TECPR2: variants seen among roughly 807,000 people sequenced by gnomAD.
TECPR2 encodes tectonin beta-propeller repeat-containing protein 2.
TECPR2 carries 65 observed loss-of-function variants against 138.1 expected under a neutral mutation model. That is an observed-to-expected ratio of 0.47 (90% CI 0.39 to 0.58). The LOEUF (loss-of-function observed/expected upper bound fraction) is 0.58, where lower values mean the gene tolerates loss of function less well. Ranked by LOEUF, TECPR2 falls within the 20% of genes least tolerant of loss-of-function variation. TECPR2 has a pLI of 0.00. For synonymous variants in TECPR2, 746 were observed against 749.8 expected (o/e 0.99, Z 0.08); for missense variants, 1,553 against 1,824.5 (o/e 0.85, Z 2.71).
At chr14:102,484,743 C>A (rs1890983070) in intron 17 of TECPR2, among the ~76,000 whole-genome samples, 1 of 152,184 alleles carries the variant, frequency 6.6e-6, no homozygotes, top group Non-Finnish European at 1.5e-5. Context: ...ACTGCAGCCT[C>A]CCCCTCCTGT....
intron 16 of TECPR2, among the ~76,000 whole-genome samples, chr14:102,458,727 A>G (rs1890333702): frequency 6.7e-6 from 1 of 149,942 alleles, no homozygotes; most frequent in African/African-American, 2.5e-5. Flanking sequence ...CTTTCCTTCA[A>G]CTCTTCTTCC....
chr14:102,496,020 T>C (rs2139801884), intron 17 of TECPR2, among the ~76,000 whole-genome samples: 1 of 152,308 alleles, frequency 6.6e-6, no homozygotes, highest in Admixed American at 6.5e-5. Context: ...GGGCATCCAG[T>C]GTGATTGTAT....
intron 7 of TECPR2, among the ~76,000 whole-genome samples, chr14:102,429,539 C>A (rs1476185887): frequency 6.6e-6 from 1 of 152,206 alleles, no homozygotes; most frequent in Non-Finnish European, 1.5e-5. Flanking sequence ...TTGCGGACAT[C>A]CACATGCTTT....
chr14:102,490,226 CG>C (rs1242458353), intron 17 of TECPR2, among the ~76,000 whole-genome samples: 5 of 152,276 alleles, frequency 3.3e-5, no homozygotes, highest in African/African-American at 1.2e-4. Flanking sequence ...ACTCTCAGAC[CG>C]TAAGAAATCG....
At chr14:102,370,367 G>A (rs1385067943) in intron 1 of TECPR2, among the ~76,000 whole-genome samples, 2 of 152,060 alleles carry the variant, frequency 1.3e-5, no homozygotes, top group Non-Finnish European at 2.9e-5. Context: ...CACCACACCC[G>A]GCCGGTAATA....
At chr14:102,453,612 G>A (rs758669715) in intron 16 of TECPR2, among the ~76,000 whole-genome samples, 1 of 152,064 alleles carries the variant, frequency 6.6e-6, no homozygotes, top group Non-Finnish European at 1.5e-5. Context: ...GGTGGATCAG[G>A]CAGCATAGGT....
At chr14:102,497,758 G>A (rs1222196700) in intron 19 of TECPR2, 39 bp downstream of exon 19, 3 of 1,555,710 alleles carry the variant, frequency 1.9e-6, no homozygotes, top group East Asian at 2.3e-5. Context: ...GCCCCTTGGG[G>A]TTCCCAGGGC....
At chr14:102,414,543 C>A in intron 4 of TECPR2, 93 bp from the exon 5 acceptor site, 1 of 1,488,528 alleles carries the variant, frequency 6.7e-7, no homozygotes, top group Non-Finnish European at 9.1e-7. Flanking sequence ...CTGACCTAAG[C>A]ACAGCTAGCG....
At chr14:102,453,068 A>C (rs1890188671) in intron 16 of TECPR2, among the ~76,000 whole-genome samples, 1 of 152,230 alleles carries the variant, frequency 6.6e-6, no homozygotes, top group Non-Finnish European at 1.5e-5. Context: ...GTGGCTCAGC[A>C]CACAGGTGCT....
chr14:102,437,434 G>A (rs981609305), intron 9 of TECPR2, among the ~76,000 whole-genome samples: 4 of 152,080 alleles, frequency 2.6e-5, no homozygotes, highest in African/African-American at 9.7e-5. Context: ...GTAATCCCAA[G>A]TACTCAGGAG....
At position 102,420,439 on chromosome 14, in the gene TECPR2, A is replaced by G. The variant is rs2139710052; in HGVS notation, c.639-4540A>G. Among the ~76,000 whole-genome samples the G allele has an allele frequency of 6.6e-6, 1 of 152,180 alleles. No homozygotes were observed. The highest frequency in any genetic ancestry group is 2.1e-4 in the South Asian group (1 of 4,820). ...GCTCTAGCTGGTTCTTCACAACTTCACTGCCTTTGACCAACCCACTCATCA... is the reference window on the plus strand; with the variant it reads ...GCTCTAGCTGGTTCTTCACAACTTCGCTGCCTTTGACCAACCCACTCATCA... On this transcript the variant is annotated intron_variant, in intron 5 of 19. Transcript: ENST00000359520. The surrounding 1 kb of genome is among the most constrained non-coding windows in gnomAD (Gnocchi z 4.1).
intron 15 of TECPR2, among the ~76,000 whole-genome samples, chr14:102,451,076 C>A (rs2139753158): frequency 6.6e-6 from 1 of 152,356 alleles, no homozygotes; most frequent in Middle Eastern, 3.4e-3. Context: ...GACATTTGCA[C>A]CGCATTAGGC....
chr14:102,367,633 A>C (rs528413279), intron 1 of TECPR2, among the ~76,000 whole-genome samples: 69 of 152,120 alleles, frequency 4.5e-4, no homozygotes, highest in African/African-American at 1.6e-3. Context: ...GATAGATCAC[A>C]TTTTGTTTGT....
intron 17 of TECPR2, among the ~76,000 whole-genome samples, chr14:102,473,678 A>G (rs186837334): frequency 1.9e-4 from 29 of 152,330 alleles, no homozygotes; most frequent in Admixed American, 6.5e-4. Flanking sequence ...TTAACAAAGT[A>G]CTCAAAACAA....
rs548361444 is a variant in TECPR2, at chr14:102,501,712, C to T, written c.*3455C>T. The T allele has an allele frequency of 6.6e-5, 10 of 152,210 alleles. No homozygotes were observed. Among genetic ancestry groups the T allele is most frequent in the African/African-American group, 1.4e-4 (6 of 41,540 alleles). 9.4% of individuals were successfully genotyped at this position (152,210 alleles called of 1,614,324 possible). ...AGCAGCATGTATACAAAAATTGCAA[C>T]GATACAGAGATTAGCATGGCCCCTG... On this transcript the variant is annotated 3_prime_UTR_variant, in exon 20 of 20. Transcript: ENST00000359520.
chr14:102,449,949 G>T, intron 14 of TECPR2, 80 bp downstream of exon 14: 2 of 1,564,286 alleles, frequency 1.3e-6, no homozygotes, highest in Non-Finnish European at 8.6e-7. Flanking sequence ...AAAGCTTTAA[G>T]ATCTCAACTT....
intron 2 of TECPR2, among the ~76,000 whole-genome samples, chr14:102,394,948 C>CTCCTTCCGCCGTCCTG (rs1888275930): frequency 6.6e-6 from 1 of 152,210 alleles, no homozygotes; most frequent in Non-Finnish European, 1.5e-5. Flanking sequence ...GCCCCACTCC[C>CTCCTTCCGCCGTCCTG]TCCTTCCGCC....
chr14:102,465,096 T>C (rs754981478), intron 16 of TECPR2, 45 bp from the exon 17 acceptor site: 2 of 1,593,368 alleles, frequency 1.3e-6, no homozygotes, highest in Non-Finnish European at 1.7e-6. Flanking sequence ...AGAATAGTCA[T>C]TGTACAAAAG....
At position 102,443,794 on chromosome 14, in the gene TECPR2, C is replaced by T. The variant is rs140434256; in HGVS notation, c.2900C>T (p.Pro967Leu). 5.3e-5 allele frequency: 84 copies of T among 1,598,622 alleles called. No homozygotes were observed. The highest frequency in any genetic ancestry group is 6.3e-5 in the Non-Finnish European group (74 of 1,169,346). The change falls in exon 12 of 20, where the codon CCG becomes CTG. Residue 967 changes from proline (P) to leucine (L), a missense_variant. Coordinates refer to ENST00000359520, the MANE Select transcript of TECPR2 (RefSeq NM_014844.5). This position sits in a 1 kb window ranked among gnomAD's most constrained non-coding sequence, Gnocchi z 4.9. ...LYREGVSSFC[P>L]EGEQWKCDIV... ...CGGGAGGGCGTGAGCAGCTTCTGTC[C>T]GGAAGGCGAGCAGTGGAAGTGTGAC...
Sources: gnomAD v4.1 joint callset for allele counts (sites outside exome capture counted in the v4.1 genomes callset) on GRCh38, gnomAD v4.1.1 for gene constraint, Gnocchi (gnomAD v3.1) non-coding constraint, MANE v1.5 for transcripts, NCBI Gene and HGNC (gene_info 2026-07-23, HGNC 2026-07-21) for gene names.